The following CCBE1 variants were observed in gnomAD, a reference collection of about 807,000 sequenced individuals.
CCBE1 encodes collagen and calcium binding EGF domains 1.
In CCBE1, 37 loss-of-function variants were observed where a neutral mutation model predicts 50.0. That is an observed-to-expected ratio of 0.74 (90% CI 0.57 to 0.97). CCBE1 has a LOEUF of 0.97. Ranked by LOEUF, CCBE1 falls within the 50% of genes least tolerant of loss-of-function variation. The probability of loss-of-function intolerance (pLI) is 0.00; values close to 1 mark genes in which losing one functional copy is unlikely to be tolerated. For missense variants in CCBE1, 538 were observed against 523.8 expected, an observed-to-expected ratio of 1.03 and a Z score of -0.26; for synonymous variants, 234 against 203.7, an observed-to-expected ratio of 1.15 and a Z score of -1.27.
In CCBE1 at chr18:59,522,095, C is replaced by T. The variant is rs139902607; in HGVS notation, c.213-41857G>A. Among the ~76,000 whole-genome samples the T allele has an allele frequency of 4.7e-5, 7 of 149,782 alleles. No individual in the cohort carries two copies. The East Asian group carries it at 1.4e-3, about 29-fold the overall frequency. ...GAAATTCATTGGCTACATTATATTCCATCAGAGGGACAAACCATGGCTTAA... is the reference window on the plus strand; with the variant it reads ...GAAATTCATTGGCTACATTATATTCTATCAGAGGGACAAACCATGGCTTAA... On this transcript the variant is annotated intron_variant, in intron 2 of 10. Coordinates refer to ENST00000439986, the MANE Select transcript of CCBE1 (RefSeq NM_133459.4).
rs375073905 is a variant in CCBE1 at position 59,569,017 on chromosome 18, T to C, written c.213-88779A>G. ...CTCTGCGTCTCTGTTCACTGGCTGT[T>C]TCCACTCTCAAACCTACTTCCTTTT... On this transcript the variant is annotated intron_variant, in intron 2 of 10. Transcript: ENST00000439986. Among the ~76,000 whole-genome samples, 8 of 152,314 alleles carry C rather than the reference T, an allele frequency of 5.3e-5. No individual in the cohort carries two copies. In the East Asian group the frequency reaches 1.2e-3, roughly 22 times the overall value.
In CCBE1 at chr18:59,468,112, G is replaced by C. The variant is rs143944622; in HGVS notation, c.401-1221C>G. Among the ~76,000 whole-genome samples, 3 of 152,352 alleles carry C rather than the reference G, an allele frequency of 2.0e-5. No homozygotes were observed. In the East Asian group the frequency reaches 5.8e-4, roughly 29 times the overall value. ...CCAAACAAAAAGAACAGGGGGCTGG[G>C]TGCGGTGGCTCATGCCTGTAATCCC... On this transcript the variant is annotated intron_variant, in intron 4 of 10. Transcript: ENST00000439986.
chr18:59,456,611 T>C (rs1395088670), intron 5 of CCBE1, among the ~76,000 whole-genome samples: 1 of 152,180 alleles, frequency 6.6e-6, no homozygotes, highest in Non-Finnish European at 1.5e-5. Context: ...ACTTCTAACC[T>C]CAGACCAGAA....
At chr18:59,441,528 A>AT (rs1475337839) in intron 7 of CCBE1, among the ~76,000 whole-genome samples, 5 of 152,074 alleles carry the variant, frequency 3.3e-5, no homozygotes, top group Non-Finnish European at 7.4e-5. Flanking sequence ...TTGTCAAGTA[A>AT]TAGAACAATC....
At chr18:59,660,724 C>G (rs892689787) in intron 2 of CCBE1, among the ~76,000 whole-genome samples, 11 of 151,542 alleles carry the variant, frequency 7.3e-5, no homozygotes, top group Non-Finnish European at 1.2e-4. Context: ...AAGCCCAACA[C>G]GTATTTTTTT....
chr18:59,451,552 C>T (rs1016825746), intron 6 of CCBE1, among the ~76,000 whole-genome samples: 2 of 152,104 alleles, frequency 1.3e-5, no homozygotes, highest in African/African-American at 4.8e-5. Flanking sequence ...CCACACTCTC[C>T]CTTTCTCACC....
At chr18:59,696,595 A>G in intron 2 of CCBE1, 34 bp downstream of exon 2, 3 of 1,612,562 alleles carry the variant, frequency 1.9e-6, no homozygotes, top group South Asian at 2.2e-5. Flanking sequence ...CCCGGTGCGC[A>G]GTGGCGAACA....
At chr18:59,592,247 T>C in intron 2 of CCBE1, among the ~76,000 whole-genome samples, 1 of 152,110 alleles carries the variant, frequency 6.6e-6, no homozygotes, top group Non-Finnish European at 1.5e-5. Context: ...AAAAACAAAA[T>C]AAATAGTTAT....
intron 2 of CCBE1, among the ~76,000 whole-genome samples, chr18:59,558,647 C>T (rs2052687140): frequency 6.6e-6 from 1 of 152,196 alleles, no homozygotes; most frequent in South Asian, 2.1e-4. Context: ...TATGGTTTGA[C>T]ATGGCGGGCA....
intron 2 of CCBE1, among the ~76,000 whole-genome samples, chr18:59,522,677 T>C (rs922847794): frequency 1.3e-5 from 2 of 152,136 alleles, no homozygotes; most frequent in African/African-American, 4.8e-5. Flanking sequence ...ATTCTCACAG[T>C]AGCCCCAGCT....
intron 2 of CCBE1, among the ~76,000 whole-genome samples, chr18:59,565,223 G>A (rs958385890): frequency 6.2e-5 from 7 of 112,558 alleles, no homozygotes; most frequent in African/African-American, 3.6e-4. Context: ...AGGGAGGAAG[G>A]GGAGTAGAAA....
chr18:59,487,265 G>T (rs1019329454), intron 2 of CCBE1, among the ~76,000 whole-genome samples: 16 of 151,778 alleles, frequency 1.1e-4, no homozygotes, highest in African/African-American at 3.2e-4. Context: ...GAGTCTGGAA[G>T]AGATTTTTTT....
At chr18:59,562,662 G>C (rs1311569842) in intron 2 of CCBE1, among the ~76,000 whole-genome samples, 1 of 152,186 alleles carries the variant, frequency 6.6e-6, no homozygotes, top group Non-Finnish European at 1.5e-5. Context: ...TTTGTTACCT[G>C]TTACTCCCTG....
At chr18:59,501,530 C>T (rs1249027242) in intron 2 of CCBE1, among the ~76,000 whole-genome samples, 1 of 152,132 alleles carries the variant, frequency 6.6e-6, no homozygotes, top group Non-Finnish European at 1.5e-5. Flanking sequence ...AGTGTCGACA[C>T]TCCTCCCCTG....
At chr18:59,506,041 G>A (rs530524877) in intron 2 of CCBE1, among the ~76,000 whole-genome samples, 3 of 152,336 alleles carry the variant, frequency 2.0e-5, no homozygotes, top group South Asian at 4.1e-4. Context: ...ATATACCCAG[G>A]AACCTCAGAA....
chr18:59,543,834 C>CAAAAAAAAAAAAAAAAAAAAAAAAAA (rs10678902), intron 2 of CCBE1, among the ~76,000 whole-genome samples: 3 of 69,000 alleles, frequency 4.3e-5, no homozygotes, highest in African/African-American at 2.2e-4. Context: ...GACTCCGTCT[C>CAAAAAAAAAAAAAAAAAAAAAAAAAA]AAAAAAAAAA....
intron 2 of CCBE1, among the ~76,000 whole-genome samples, chr18:59,652,490 T>A (rs1244959162): frequency 1.3e-5 from 2 of 151,754 alleles, no homozygotes; most frequent in African/African-American, 2.4e-5. Flanking sequence ...CCTTTTTTTT[T>A]AATGTAAACT....
At chr18:59,474,424 C>T (rs868544396) in intron 3 of CCBE1, among the ~76,000 whole-genome samples, 1 of 152,206 alleles carries the variant, frequency 6.6e-6, no homozygotes, top group African/African-American at 2.4e-5. Flanking sequence ...ATTACAAGTT[C>T]AGTTTCTTAA....
At chr18:59,583,350 G>C (rs1416258948) in intron 2 of CCBE1, among the ~76,000 whole-genome samples, 1 of 152,134 alleles carries the variant, frequency 6.6e-6, no homozygotes, top group East Asian at 1.9e-4. Flanking sequence ...TGGATGAAAA[G>C]GAACTTCAAG....
Sources: allele counts gnomAD v4.1 joint callset (sites outside exome capture counted in the v4.1 genomes callset), GRCh38; gene constraint gnomAD v4.1.1; transcripts MANE v1.5; gene names NCBI Gene and HGNC (gene_info 2026-07-23, HGNC 2026-07-21).